The following PBX1 variants were observed in gnomAD, a reference collection of about 807,000 sequenced individuals.
PBX1 encodes pre-B-cell leukemia transcription factor 1.
In PBX1, 6 loss-of-function variants were observed where a neutral mutation model predicts 53.4. The observed-to-expected ratio is 0.11, with a 90% CI of 0.06 to 0.22. The LOEUF (loss-of-function observed/expected upper bound fraction) is 0.22. PBX1 is among the 10% of genes least tolerant of loss of function. PBX1 has a pLI of 1.00. For synonymous variants in PBX1, 204 were observed against 212.3 expected (o/e 0.96, Z 0.34); for missense variants, 251 against 551.4 (o/e 0.46, Z 5.46).
chr1:164,641,873 A>G (rs1232640940), intron 2 of PBX1: 2 of 152,210 alleles, frequency 1.3e-5, no homozygotes, highest in Admixed American at 6.5e-5. Flanking sequence ...GTATTCAGCT[A>G]ACACCCTTCC....
intron 2 of PBX1, among the ~76,000 whole-genome samples, chr1:164,664,638 T>C (rs1404851260): frequency 6.6e-6 from 1 of 152,196 alleles, no homozygotes; most frequent in Non-Finnish European, 1.5e-5. Flanking sequence ...TTCACACTGC[T>C]GATAAAGACA....
intron 2 of PBX1, among the ~76,000 whole-genome samples, chr1:164,764,141 C>G (rs141212179): frequency 3.3e-5 from 5 of 152,254 alleles, no homozygotes; most frequent in Non-Finnish European, 7.4e-5. Context: ...TGCTCTGTAA[C>G]TCTTGTCAAT....
At chr1:164,796,861 C>A (rs556333475) in intron 3 of PBX1, among the ~76,000 whole-genome samples, 2 of 152,208 alleles carry the variant, frequency 1.3e-5, no homozygotes, top group Non-Finnish European at 2.9e-5. Context: ...ATTTAATTAA[C>A]AATTGTAACC....
chr1:164,700,755 G>T (rs2102047498), intron 2 of PBX1: 2 of 984,426 alleles, frequency 2.0e-6, no homozygotes, highest in East Asian at 1.1e-4. Flanking sequence ...AGTGAACAAG[G>T]TGCTTTTCCC....
downstream of PBX1, among the ~76,000 whole-genome samples, chr1:164,853,124 A>G (rs936838043): frequency 6.6e-6 from 1 of 152,086 alleles, no homozygotes; most frequent in Non-Finnish European, 1.5e-5. Flanking sequence ...AGCTGCTTCT[A>G]CTCTGTGGCT....
intron 2 of PBX1, among the ~76,000 whole-genome samples, chr1:164,881,740 G>C (rs932217963): frequency 1.3e-5 from 2 of 152,200 alleles, no homozygotes; most frequent in Non-Finnish European, 1.5e-5. Context: ...ACTGTGTGCT[G>C]TCTTGGTGAG....
At chr1:164,663,710 A>T (rs1247644467) in intron 2 of PBX1, among the ~76,000 whole-genome samples, 3 of 152,238 alleles carry the variant, frequency 2.0e-5, no homozygotes, top group Non-Finnish European at 4.4e-5. Context: ...TATCCTATCC[A>T]TCATAGTCCT....
intron 2 of PBX1, among the ~76,000 whole-genome samples, chr1:164,673,501 C>T (rs1441196837): frequency 3.1e-5 from 4 of 128,164 alleles, no homozygotes; most frequent in African/African-American, 9.7e-5. Context: ...GACGGAATCT[C>T]GCACTGTTGC....
chr1:164,849,642 T>C lies in PBX1; in HGVS notation c.*2966T>C. The stretch of plus-strand genomic sequence containing the variant: ...CTGGGTTTGCCCACCTTGTAACTCT[T>C]CCTTATCTCCTCCTTTTCATCCCTA... On this transcript the variant is annotated 3_prime_UTR_variant, in exon 9 of 9. Transcript: ENST00000420696. The C allele has an allele frequency of 2.1e-6, 1 of 471,222 alleles. No homozygotes were observed. The highest frequency in any genetic ancestry group is 3.7e-6 in the Non-Finnish European group (1 of 270,182). The allele number at this position is 471,222 out of a possible 1,614,324, so 29.2% of individuals were successfully genotyped here.
chr1:164,727,419 A>T lies in PBX1; in HGVS notation c.266-65075A>T, dbSNP rs144387746. Among the ~76,000 whole-genome samples, 523 of 152,344 alleles carry T rather than the reference A, an allele frequency of 3.4e-3. 2 individuals are homozygous for T. Among genetic ancestry groups the T allele is most frequent in the African/African-American group, 0.012 (507 of 41,578 alleles). ...TAATTCTTATACAGGAGATTTTAAC[A>T]GTTTGTAAGTACTAACATAGTTTAG... On this transcript the variant is annotated intron_variant, in intron 2 of 8. Transcript: ENST00000420696.
chr1:164,729,816 C>G (rs1557971162), intron 2 of PBX1, among the ~76,000 whole-genome samples: 1 of 151,648 alleles, frequency 6.6e-6, no homozygotes, highest in African/African-American at 2.4e-5. Context: ...AAGCAAAAGA[C>G]AGATAATAAA....
chr1:164,641,312 C>T (rs1320596620), intron 2 of PBX1: 2 of 152,762 alleles, frequency 1.3e-5, no homozygotes, highest in Non-Finnish European at 2.9e-5. Flanking sequence ...TCTCTCTTGT[C>T]ATTAGGGGCC....
At chr1:164,877,105 T>G (rs1672531525) in intron 2 of PBX1, among the ~76,000 whole-genome samples, 1 of 152,046 alleles carries the variant, frequency 6.6e-6, no homozygotes, top group South Asian at 2.1e-4. Context: ...TTTTTGCCTG[T>G]AAGTTTCTCA....
At position 164,841,276 on chromosome 1, in the gene PBX1, C is replaced by T. The variant is rs562910973; in HGVS notation, c.1201-5308C>T. On this transcript the variant is annotated intron_variant, in intron 8 of 8. Transcript: ENST00000420696. ...AGATGTAATTGGAGGAGTGAGGGCACGGCATTCAAGGGGAAAGAAGCAGGC... is the reference window on the plus strand; with the variant it reads ...AGATGTAATTGGAGGAGTGAGGGCATGGCATTCAAGGGGAAAGAAGCAGGC... Among the ~76,000 whole-genome samples the T allele has an allele frequency of 5.9e-5, 9 of 152,140 alleles. No homozygotes were observed. The East Asian group carries it at 9.7e-4, about 16-fold the overall frequency.
chr1:164,843,564 A>C (rs1360040531), intron 8 of PBX1, among the ~76,000 whole-genome samples: 1 of 151,894 alleles, frequency 6.6e-6, no homozygotes, highest in Non-Finnish European at 1.5e-5. Context: ...GAGTGGAAAA[A>C]AGGGGAGTGA....
intron 2 of PBX1, among the ~76,000 whole-genome samples, chr1:164,621,189 A>C (rs113184346): frequency 6.6e-6 from 1 of 151,100 alleles, no homozygotes; most frequent in Non-Finnish European, 1.5e-5. Context: ...GGGTTTCGCT[A>C]TGTTGGCCTG....
intron 2 of PBX1, among the ~76,000 whole-genome samples, chr1:164,629,714 C>A (rs1405979041): frequency 2.0e-5 from 3 of 152,226 alleles, no homozygotes; most frequent in African/African-American, 7.2e-5. Flanking sequence ...CAAGCCACTG[C>A]AACATTTCTG....
At chr1:164,702,710 A>C (rs1663195199) in intron 2 of PBX1, among the ~76,000 whole-genome samples, 1 of 142,652 alleles carries the variant, frequency 7.0e-6, no homozygotes, top group South Asian at 2.6e-4. Context: ...GGGGATGGAG[A>C]GGACAGAGGG....
Position 164,743,037 on chromosome 1 carries a change from A to G in PBX1, c.266-49457A>G, listed in dbSNP as rs565301360. On this transcript the variant is annotated intron_variant, in intron 2 of 8. Transcript: ENST00000420696. ...GTCAGTTCCTGACAAACAGCAATGT[A>G]AGCCAGTGAAGAAGATTCCTACAGG... Among the ~76,000 whole-genome samples the G allele has an allele frequency of 1.6e-4, 24 of 152,354 alleles. No individual in the cohort carries two copies. In the South Asian group the frequency reaches 4.8e-3, roughly 30 times the overall value.
Sources: gnomAD v4.1 joint callset for allele counts (sites outside exome capture counted in the v4.1 genomes callset) on GRCh38, gnomAD v4.1.1 for gene constraint, MANE v1.5 for transcripts, NCBI Gene and HGNC (gene_info 2026-07-23, HGNC 2026-07-21) for gene names.